The following TMEM163 variants were observed in gnomAD, a reference collection of about 807,000 sequenced individuals.
TMEM163 encodes the protein transmembrane protein 163.
In TMEM163, 17 loss-of-function variants were observed where a neutral mutation model predicts 29.3. That is an observed-to-expected ratio of 0.58 (90% CI 0.40 to 0.87). TMEM163 has a LOEUF of 0.87. Ranked by LOEUF, TMEM163 falls within the 40% of genes least tolerant of loss-of-function variation. TMEM163 has a pLI of 0.00. For synonymous variants in TMEM163, 157 were observed against 160.6 expected (o/e 0.98, Z 0.17); for missense variants, 303 against 381.5 (o/e 0.79, Z 1.71).
rs142658303 is a variant in TMEM163 at position 134,713,224 on chromosome 2, G to A, written c.298C>T (p.Leu100=). 63 of 1,614,092 alleles carry A rather than the reference G, an allele frequency of 3.9e-5. 1 individual carries two copies. In the African/African-American group the frequency reaches 6.4e-4, roughly 16 times the overall value. The part of the protein sequence containing the change: ...WVSWFSIIVT[L]ALAVAAFTVS... ...CTAAAGGCAGCCACCGCGAGGGCCA[G>A]GGTGACAATGATGGAGAACCAGGAC... The change falls in exon 2 of 8, where the codon CTG becomes TTG. Residue 100 remains leucine, a synonymous_variant. Coordinates refer to ENST00000281924, the MANE Select transcript of TMEM163 (RefSeq NM_030923.5).
At chr2:134,546,700 C>G (rs967474504) in intron 4 of TMEM163, among the ~76,000 whole-genome samples, 5 of 149,962 alleles carry the variant, frequency 3.3e-5, no homozygotes, top group Non-Finnish European at 5.9e-5. Context: ...GTAGTCCCAG[C>G]TACTTGGGAG....
chr2:134,560,866 G>T (rs1462307544), intron 2 of TMEM163, among the ~76,000 whole-genome samples: 1 of 152,206 alleles, frequency 6.6e-6, no homozygotes, highest in Non-Finnish European at 1.5e-5. Context: ...ACATGGGCAG[G>T]ATGCCTGCCA....
intron 2 of TMEM163, among the ~76,000 whole-genome samples, chr2:134,563,024 G>A (rs891469173): frequency 1.3e-5 from 2 of 152,158 alleles, no homozygotes; most frequent in African/African-American, 2.4e-5. Flanking sequence ...TAATCCAAAC[G>A]ATTGTCCCTT....
At chr2:134,585,823 T>C (rs114728486) in intron 2 of TMEM163, among the ~76,000 whole-genome samples, 2,665 of 152,326 alleles carry the variant, frequency 0.017, 77 homozygotes, top group African/African-American at 0.06. Context: ...CAATATTTCT[T>C]ATAAACATAA....
intron 2 of TMEM163, among the ~76,000 whole-genome samples, chr2:134,588,094 A>G (rs939998453): frequency 6.6e-6 from 1 of 152,200 alleles, no homozygotes; most frequent in Non-Finnish European, 1.5e-5. Flanking sequence ...TGGTCCTACA[A>G]TTGGCATTTT....
intron 5 of TMEM163, among the ~76,000 whole-genome samples, chr2:134,491,543 C>G (rs1174496340): frequency 6.6e-6 from 1 of 152,128 alleles, no homozygotes; most frequent in Non-Finnish European, 1.5e-5. Flanking sequence ...GGAGACACTC[C>G]GTGGACCAGA....
chr2:134,679,183 A>C (rs1364728195), intron 2 of TMEM163, among the ~76,000 whole-genome samples: 1 of 152,188 alleles, frequency 6.6e-6, no homozygotes, highest in African/African-American at 2.4e-5. Context: ...GGATGGAGGT[A>C]AGGGGCTTGG....
intron 2 of TMEM163, among the ~76,000 whole-genome samples, chr2:134,562,062 G>C (rs752242052): frequency 1.6e-4 from 25 of 152,170 alleles, no homozygotes; most frequent in Non-Finnish European, 3.4e-4. Context: ...ATCTTCTCTT[G>C]TCTTCTATGT....
chr2:134,605,628 G>A (rs1682336649), intron 2 of TMEM163, among the ~76,000 whole-genome samples: 2 of 152,052 alleles, frequency 1.3e-5, no homozygotes, highest in African/African-American at 2.4e-5. Flanking sequence ...AACCCGGGAG[G>A]TGAGCTGAGA....
At chr2:134,594,400 C>T (rs1682014573) in intron 2 of TMEM163, among the ~76,000 whole-genome samples, 1 of 152,060 alleles carries the variant, frequency 6.6e-6, no homozygotes, top group African/African-American at 2.4e-5. Flanking sequence ...ATGCAGTCTG[C>T]CTTCTGCTAG....
At chr2:134,656,508 C>G (rs930557128) in intron 2 of TMEM163, among the ~76,000 whole-genome samples, 22 of 152,212 alleles carry the variant, frequency 1.4e-4, no homozygotes, top group Non-Finnish European at 2.9e-4. Flanking sequence ...CACCCGTCTT[C>G]TGCGTCGCTC....
intron 4 of TMEM163, among the ~76,000 whole-genome samples, chr2:134,545,953 C>T (rs1558940490): frequency 1.3e-5 from 2 of 152,154 alleles, no homozygotes; most frequent in African/African-American, 4.8e-5. Flanking sequence ...CTTAGAACCC[C>T]TTGCTTGTAA....
chr2:134,682,367 T>C (rs1684264682), intron 2 of TMEM163, among the ~76,000 whole-genome samples: 4 of 152,228 alleles, frequency 2.6e-5, no homozygotes, highest in Non-Finnish European at 5.9e-5. Context: ...ACACAGGTCA[T>C]GCTCAGCTTA....
chr2:134,505,297 C>A (rs894790853), intron 4 of TMEM163, among the ~76,000 whole-genome samples: 7 of 128,402 alleles, frequency 5.5e-5, no homozygotes, highest in African/African-American at 2.1e-4. Flanking sequence ...TCAATTTTAT[C>A]AGAATTTCCA....
At chr2:134,508,037 C>T (rs947785078) in intron 4 of TMEM163, among the ~76,000 whole-genome samples, 1 of 152,206 alleles carries the variant, frequency 6.6e-6, no homozygotes, top group Non-Finnish European at 1.5e-5. Context: ...CTAGAAGCAT[C>T]AGTTTTTGAT....
At chr2:134,673,230 G>A (rs78174304) in intron 2 of TMEM163, among the ~76,000 whole-genome samples, 183 of 152,138 alleles carry the variant, frequency 1.2e-3, no homozygotes, top group Non-Finnish European at 2.2e-3. Flanking sequence ...ATATAGTCCC[G>A]TTTCATGAGC....
At chr2:134,685,546 T>C (rs926896883) in intron 2 of TMEM163, among the ~76,000 whole-genome samples, 7 of 152,236 alleles carry the variant, frequency 4.6e-5, no homozygotes, top group African/African-American at 1.7e-4. Context: ...ATAATGTTAC[T>C]ATTTGAGTTA....
rs530943164 is a variant in TMEM163, at chr2:134,567,819, A to C, written c.323-15728T>G. Among the ~76,000 whole-genome samples, 5 of 152,324 alleles carry C rather than the reference A, an allele frequency of 3.3e-5. No homozygotes were observed. The East Asian group carries it at 9.7e-4, about 29-fold the overall frequency. On this transcript the variant is annotated intron_variant, in intron 2 of 7. Transcript: ENST00000281924. ...TGGATGATGTTAATGGGGAATCAAG[A>C]GGAGGAGGAACAGATCCAAGTCTTT... is the stretch of plus-strand genomic sequence containing the variant.
intron 4 of TMEM163, among the ~76,000 whole-genome samples, chr2:134,510,856 G>A (rs1302946591): frequency 6.6e-6 from 1 of 152,194 alleles, no homozygotes; most frequent in African/African-American, 2.4e-5. Context: ...ATTTCAGGGT[G>A]GAGGGGAATG....
Sources: allele counts gnomAD v4.1 joint callset (sites outside exome capture counted in the v4.1 genomes callset), GRCh38; gene constraint gnomAD v4.1.1; transcripts MANE v1.5; gene names NCBI Gene and HGNC (gene_info 2026-07-23, HGNC 2026-07-21).